Variants in PHF3 observed in about 807,000 individuals in gnomAD.
The protein encoded by PHF3 is PHD finger protein 3.
PHF3 carries 41 observed loss-of-function variants against 178.4 expected under a neutral mutation model. The ratio of observed to expected loss-of-function variants is 0.23; its 90% confidence interval spans 0.18 to 0.30. The LOEUF is 0.30. Among genes scored for constraint, PHF3 ranks in the 10% least tolerant of loss-of-function variants. The probability of loss-of-function intolerance (pLI) is 1.00; values close to 1 mark genes in which losing one functional copy is unlikely to be tolerated. For synonymous variants in PHF3, 842 were observed against 800.5 expected (o/e 1.05, Z -0.88); for missense variants, 2,346 against 2,398.1 (o/e 0.98, Z 0.45).
Position 63,635,857 on chromosome 6 carries a change from A to G in PHF3, c.-319A>G, listed in dbSNP as rs1764304236. On this transcript the variant is annotated 5_prime_UTR_variant, in exon 1 of 16. It removes an upstream start codon present in the reference 5' UTR. Transcript: ENST00000262043. The stretch of plus-strand genomic sequence containing the variant: ...GCTCCCGCGCCGCCGCCGCACGCCG[A>G]TGGCTGCGGGGTCTCGCGCCGTCGC... The G allele has an allele frequency of 5.0e-6, 2 of 396,748 alleles. No individual in the cohort carries two copies. The highest frequency in any genetic ancestry group is 4.1e-5 in the African/African-American group (2 of 48,462). The allele number at this position is 396,748 out of a possible 1,614,324, so 24.6% of individuals were successfully genotyped here.
Position 63,722,415 on chromosome 6 carries a change from C to A in PHF3, c.*8707C>A, listed in dbSNP as rs1043799212. ...GGTCAGGAATTTTTTTCTGTCAGTGCCTTAATATCACTAGGTTTCCCTCCA... is the reference window on the plus strand; with the variant it reads ...GGTCAGGAATTTTTTTCTGTCAGTGACTTAATATCACTAGGTTTCCCTCCA... On this transcript the variant is annotated 3_prime_UTR_variant, in exon 16 of 16. Coordinates refer to ENST00000262043, the MANE Select transcript of PHF3 (RefSeq NM_001370348.2). Among the ~76,000 whole-genome samples, 2 of 152,112 alleles carry A rather than the reference C, an allele frequency of 1.3e-5. No homozygotes were observed. The highest frequency in any genetic ancestry group is 1.5e-5 in the Non-Finnish European group (1 of 68,000).
chr6:63,662,109 A>G (rs1440749643), intron 2 of PHF3, among the ~76,000 whole-genome samples: 2 of 152,258 alleles, frequency 1.3e-5, no homozygotes, highest in Non-Finnish European at 2.9e-5. Flanking sequence ...TCTGCTTATG[A>G]GAATCTGATG....
In PHF3 at chr6:63,706,047, T is replaced by A; in HGVS notation, c.3386T>A (p.Val1129Glu). ...GGCTTAGGTCGAATGGCACCACCTGTAGATGATCTTTCTCCAAAAAAAGTA... is the reference window on the plus strand; with the variant it reads ...GGCTTAGGTCGAATGGCACCACCTGAAGATGATCTTTCTCCAAAAAAAGTA... ...KICIGRMAPP[V>E]DDLSPKKVKV... is the part of the protein sequence containing the mutation. The change falls in exon 12 of 16, where the codon GTA (valine) becomes GAA (glutamate). Residue 1129 changes from valine to glutamate, a missense_variant. Physicochemically the swap from Val to Glu is moderately radical, Grantham distance 121 (BLOSUM62 -2). This residue lies in a region of PHF3 where 205 missense variants were observed against 212.4 expected (regional missense o/e 0.97). Coordinates refer to ENST00000262043, the MANE Select transcript of PHF3 (RefSeq NM_001370348.2). The A allele has an allele frequency of 6.2e-7, 1 of 1,613,132 alleles. No homozygotes were observed. The highest frequency in any genetic ancestry group is 8.5e-7 in the Non-Finnish European group (1 of 1,179,748).
At chr6:63,680,969 GTGA>G (rs1200142773) in intron 3 of PHF3, among the ~76,000 whole-genome samples, 3 of 151,812 alleles carry the variant, frequency 2.0e-5, no homozygotes, top group Non-Finnish European at 4.4e-5. Flanking sequence ...TTTTATTTTG[GTGA>G]TGCACCTCTT....
Position 63,713,008 on chromosome 6 carries a change from ATC to A in PHF3, c.5423_5424del (p.Leu1808GlnfsTer3). The A allele has an allele frequency of 6.2e-7, 1 of 1,614,026 alleles. No individual in the cohort carries two copies. Among genetic ancestry groups the A allele is most frequent in the Non-Finnish European group, 8.5e-7 (1 of 1,179,956 alleles). ...AGGCCACAGCAGCCCAACCTTCAGC[ATC>A]TCAAGTCTAGCCCACCTGGATTTCC... On this transcript the variant is annotated frameshift_variant, in exon 16 of 16. Transcript: ENST00000262043. LOFTEE classifies it high-confidence loss of function.
intron 4 of PHF3, among the ~76,000 whole-genome samples, chr6:63,689,059 TAA>T (rs1194243189): frequency 6.6e-6 from 1 of 152,240 alleles, no homozygotes; most frequent in Non-Finnish European, 1.5e-5. Flanking sequence ...ATGCATATCC[TAA>T]AGACAGTAGA....
At chr6:63,643,119 T>G (rs1764647103) in intron 1 of PHF3, among the ~76,000 whole-genome samples, 1 of 152,128 alleles carries the variant, frequency 6.6e-6, no homozygotes, top group Non-Finnish European at 1.5e-5. Context: ...TTTACCGGTT[T>G]TTTTTTGCTA....
At chr6:63,639,386 T>C (rs1325129864) in intron 1 of PHF3, among the ~76,000 whole-genome samples, 1 of 152,214 alleles carries the variant, frequency 6.6e-6, no homozygotes, top group Non-Finnish European at 1.5e-5. Flanking sequence ...TTGTAGCTGA[T>C]AAATTGCTTT....
Position 63,718,283 on chromosome 6 carries a change from A to T in PHF3, c.*4575A>T, listed in dbSNP as rs866638707. The stretch of plus-strand genomic sequence containing the variant: ...CAGGTAGAAAAGTTATAAAATCTGA[A>T]CGTAAAATTGCAACTGTGAAAAGCT... On this transcript the variant is annotated 3_prime_UTR_variant, in exon 16 of 16. Coordinates refer to ENST00000262043, the MANE Select transcript of PHF3 (RefSeq NM_001370348.2). Among the ~76,000 whole-genome samples, 1 of 152,004 alleles carries T rather than the reference A, an allele frequency of 6.6e-6. No homozygotes were observed. Among genetic ancestry groups the T allele is most frequent in the Non-Finnish European group, 1.5e-5 (1 of 67,934 alleles).
At chr6:63,687,500 G>A (rs1166658952) in intron 4 of PHF3, among the ~76,000 whole-genome samples, 2 of 152,194 alleles carry the variant, frequency 1.3e-5, no homozygotes, top group African/African-American at 2.4e-5. Context: ...GAGTTAGGTG[G>A]TGCTTTTAAG....
At position 63,721,466 on chromosome 6, in the gene PHF3, A is replaced by G. The variant is rs1768387033; in HGVS notation, c.*7758A>G. 4.5e-6 allele frequency: 7 copies of G among 1,551,406 alleles called. No homozygotes were observed. The highest frequency in any genetic ancestry group is 6.1e-6 in the Non-Finnish European group (7 of 1,146,848). On this transcript the variant is annotated 3_prime_UTR_variant, in exon 16 of 16. Coordinates refer to ENST00000262043, the MANE Select transcript of PHF3 (RefSeq NM_001370348.2). ...CAAATTCAGTTAATTGTAATTCTTG[A>G]TTATTTATGATAACTTGTCGGATAC...
chr6:63,656,431 A>G (rs1449317504), intron 2 of PHF3, among the ~76,000 whole-genome samples: 2 of 152,226 alleles, frequency 1.3e-5, no homozygotes, highest in Non-Finnish European at 2.9e-5. Flanking sequence ...TTGGACCAAG[A>G]CTAGTACAGT....
chr6:63,698,654 A>C (rs1767341189), intron 8 of PHF3, 49 bp downstream of exon 8: 1 of 1,309,066 alleles, frequency 7.6e-7, no homozygotes, highest in African/African-American at 1.5e-5. Flanking sequence ...TCCTGAGTAC[A>C]TAGGTATCTC....
rs1331453063 is a variant in PHF3 at position 63,715,027 on chromosome 6, CTA to C, written c.*1321_*1322del. 6.6e-6 allele frequency: 1 copy of C among 151,982 alleles called. No homozygotes were observed. Among genetic ancestry groups the C allele is most frequent in the East Asian group, 1.9e-4 (1 of 5,194 alleles). The allele number at this position is 151,982 out of a possible 1,614,324, so 9.4% of individuals were successfully genotyped here. ...TCCAAAATACAAAAGAAAGAGAACT[CTA>C]TTATTTACTTACCTGTATTAATGAA... is the stretch of plus-strand genomic sequence containing the variant. On this transcript the variant is annotated 3_prime_UTR_variant, in exon 16 of 16. Coordinates refer to ENST00000262043, the MANE Select transcript of PHF3 (RefSeq NM_001370348.2).
At chr6:63,664,878 T>G (rs768776981) in intron 2 of PHF3, among the ~76,000 whole-genome samples, 1 of 151,904 alleles carries the variant, frequency 6.6e-6, no homozygotes, top group Non-Finnish European at 1.5e-5. Flanking sequence ...TAATAGAAAT[T>G]TATTGTAAGT....
intron 1 of PHF3, among the ~76,000 whole-genome samples, chr6:63,639,266 G>T (rs1026364294): frequency 1.3e-5 from 2 of 152,150 alleles, no homozygotes; most frequent in Non-Finnish European, 2.9e-5. Context: ...TTCGAAGAGC[G>T]TGGTAGATTA....
intron 3 of PHF3, among the ~76,000 whole-genome samples, chr6:63,683,380 G>T (rs532262412): frequency 6.6e-6 from 1 of 151,974 alleles, no homozygotes; most frequent in South Asian, 2.1e-4. Flanking sequence ...TGATACAAGG[G>T]GGGGATGTAT....
At chr6:63,656,903 T>TA (rs1348081520) in intron 2 of PHF3, among the ~76,000 whole-genome samples, 2 of 152,220 alleles carry the variant, frequency 1.3e-5, no homozygotes, top group African/African-American at 4.8e-5. Flanking sequence ...GCTGCATTGT[T>TA]AGGTTGCCTT....
At chr6:63,708,085 C>G (rs901837525) in intron 13 of PHF3, among the ~76,000 whole-genome samples, 1 of 151,930 alleles carries the variant, frequency 6.6e-6, no homozygotes, top group Non-Finnish European at 1.5e-5. Flanking sequence ...CAGGCCGGTT[C>G]TGAACTACTG....
Sources: allele counts gnomAD v4.1 joint callset (sites outside exome capture counted in the v4.1 genomes callset), GRCh38; gene constraint gnomAD v4.1.1; regional missense constraint gnomAD v4.1.1; transcripts MANE v1.5; gene names NCBI Gene and HGNC (gene_info 2026-07-23, HGNC 2026-07-21).